The following FGD6 variants were observed in gnomAD, a reference collection of about 807,000 sequenced individuals.
FGD6 encodes FYVE, RhoGEF and PH domain-containing protein 6.
FGD6 carries 90 observed loss-of-function variants against 149.4 expected under a neutral mutation model. The observed-to-expected ratio is 0.60, with a 90% confidence interval of 0.51 to 0.72. The LOEUF (loss-of-function observed/expected upper bound fraction) is 0.72, where lower values mean the gene tolerates loss of function less well. Among genes scored for constraint, FGD6 ranks in the 30% least tolerant of loss-of-function variants. The pLI, the probability that FGD6 is intolerant of heterozygous loss-of-function variation, is 0.00. For missense variants in FGD6, 1,437 were observed against 1,684.8 expected, an observed-to-expected ratio of 0.85 and a Z score of 2.57; for synonymous variants, 527 against 584.0, an observed-to-expected ratio of 0.90 and a Z score of 1.41.
chr12:95,085,071 A>G (rs1483855222), intron 19 of FGD6, among the ~76,000 whole-genome samples: 1 of 152,232 alleles, frequency 6.6e-6, no homozygotes, highest in African/African-American at 2.4e-5. Flanking sequence ...AGAAAAGGAC[A>G]GAATTAGAGT....
At chr12:95,133,030 G>A (rs146052296) in intron 8 of FGD6, among the ~76,000 whole-genome samples, 2 of 152,334 alleles carry the variant, frequency 1.3e-5, no homozygotes, top group South Asian at 2.1e-4. Flanking sequence ...AAAAGCAGAA[G>A]TAAGAAAGTA....
At chr12:95,123,978 A>G (rs544945057) in intron 8 of FGD6, among the ~76,000 whole-genome samples, 35 of 151,222 alleles carry the variant, frequency 2.3e-4, no homozygotes, top group African/African-American at 7.5e-4. Context: ...GCTATAGCTC[A>G]CTGCAGCCTC....
Position 95,210,956 on chromosome 12 carries a change from A to T in FGD6, c.328T>A (p.Cys110Ser). 6.2e-7 allele frequency: 1 copy of T among 1,614,260 alleles called. No individual in the cohort carries two copies. Among genetic ancestry groups the T allele is most frequent in the Non-Finnish European group, 8.5e-7 (1 of 1,180,054 alleles). Residue 110 changes from cysteine (C) to serine (S), a missense_variant, in exon 2 of 21, where the codon TGT becomes AGT. Physicochemically the swap from Cys to Ser is moderately radical, Grantham distance 112 (BLOSUM62 -1). Coordinates refer to ENST00000343958, the MANE Select transcript of FGD6 (RefSeq NM_018351.4). The stretch of plus-strand genomic sequence containing the variant: ...TGGATACACTCAGAACTGCAGGAAC[A>T]CATTGGTGAAATATAATCATTGCTC... Reference protein sequence around the residue: ...NQSNDYISPMCSCSSECIHKL... With the variant: ...NQSNDYISPMSSCSSECIHKL...
intron 15 of FGD6, among the ~76,000 whole-genome samples, chr12:95,093,241 A>T (rs1878125930): frequency 6.6e-6 from 1 of 151,800 alleles, no homozygotes; most frequent in African/African-American, 2.4e-5. Flanking sequence ...CAAACAAAAA[A>T]GATGGGGATA....
At chr12:95,099,029 C>T (rs1476612696) in intron 14 of FGD6, among the ~76,000 whole-genome samples, 1 of 152,026 alleles carries the variant, frequency 6.6e-6, no homozygotes, top group African/African-American at 2.4e-5. Context: ...GCCACTATGC[C>T]CAGCTAATTT....
rs376144618 is a variant in FGD6, at chr12:95,108,004, C to G, written c.3264+344G>C. On this transcript the variant is annotated intron_variant, in intron 11 of 20. Coordinates refer to ENST00000343958, the MANE Select transcript of FGD6 (RefSeq NM_018351.4). Reference sequence around the variant, plus strand: ...GAGGATCAAAATACCAATCTCCCCCCTCCCTTCATAATCCTCTCTTACATT... The same window carrying G: ...GAGGATCAAAATACCAATCTCCCCCGTCCCTTCATAATCCTCTCTTACATT... Among the ~76,000 whole-genome samples the G allele has an allele frequency of 1.4e-4, 22 of 152,310 alleles. No individual in the cohort carries two copies. In the South Asian group the frequency reaches 4.3e-3, roughly 30 times the overall value.
At position 95,110,262 on chromosome 12, in the gene FGD6, C is replaced by T. The variant is rs150197802; in HGVS notation, c.3134-1701G>A. Among the ~76,000 whole-genome samples the T allele has an allele frequency of 5.8e-3, 886 of 152,072 alleles. 8 individuals are homozygous for T. The highest frequency in any genetic ancestry group is 1.0e-2 in the Non-Finnish European group (678 of 67,988). On this transcript the variant is annotated intron_variant, in intron 9 of 20. Coordinates refer to ENST00000343958, the MANE Select transcript of FGD6 (RefSeq NM_018351.4). ...AAGTGCTGGGATTACAGGTGTGAGC[C>T]ACCACACCCGGCCTGTATTCTTTCC... is the stretch of plus-strand genomic sequence containing the variant.
chr12:95,104,634 ATCATG>A (rs1349694449), intron 14 of FGD6, among the ~76,000 whole-genome samples: 1 of 151,988 alleles, frequency 6.6e-6, no homozygotes, highest in Non-Finnish European at 1.5e-5. Flanking sequence ...ATGGGGTTTA[ATCATG>A]TTCATGTTAG....
chr12:95,123,309 C>G (rs376240007), intron 8 of FGD6, among the ~76,000 whole-genome samples: 1 of 152,026 alleles, frequency 6.6e-6, no homozygotes, highest in Non-Finnish European at 1.5e-5. Flanking sequence ...GGTTGGAGAA[C>G]TGCTTGCAGG....
At chr12:95,115,517 G>A (rs1344848599) in intron 8 of FGD6, among the ~76,000 whole-genome samples, 1 of 151,738 alleles carries the variant, frequency 6.6e-6, no homozygotes, top group Non-Finnish European at 1.5e-5. Context: ...ATTACAGGCA[G>A]TGAGCCACTG....
intron 3 of FGD6, among the ~76,000 whole-genome samples, chr12:95,164,147 AC>A (rs1300829217): frequency 7.2e-5 from 11 of 152,232 alleles, no homozygotes; most frequent in Non-Finnish European, 4.4e-5. Context: ...AATAAGTCAA[AC>A]AAATTCCAAA....
At chr12:95,188,839 G>A (rs1316872366) in intron 2 of FGD6, among the ~76,000 whole-genome samples, 2 of 150,710 alleles carry the variant, frequency 1.3e-5, no homozygotes, top group Non-Finnish European at 2.9e-5. Flanking sequence ...AAAGGTCAAA[G>A]GTAAAGCAGG....
chr12:95,180,667 G>C (rs993740438), intron 2 of FGD6, among the ~76,000 whole-genome samples: 4 of 152,008 alleles, frequency 2.6e-5, no homozygotes, highest in African/African-American at 9.7e-5. Flanking sequence ...CAAAGTGCTA[G>C]GTGTGAGCCA....
intron 5 of FGD6, among the ~76,000 whole-genome samples, chr12:95,142,089 T>C (rs1051633358): frequency 6.6e-6 from 1 of 151,236 alleles, no homozygotes; most frequent in Non-Finnish European, 1.5e-5. Context: ...CATGGCAACT[T>C]CCCGAGTAGC....
intron 1 of FGD6, among the ~76,000 whole-genome samples, chr12:95,212,609 C>T (rs1334600345): frequency 2.0e-5 from 3 of 152,086 alleles, no homozygotes; most frequent in East Asian, 1.9e-4. Flanking sequence ...TATATTTGTT[C>T]GTTTGACAGG....
At chr12:95,087,053 G>A (rs915004489) in intron 18 of FGD6, among the ~76,000 whole-genome samples, 2 of 150,176 alleles carry the variant, frequency 1.3e-5, no homozygotes, top group African/African-American at 4.9e-5. Context: ...TCGCCATGTT[G>A]GCCAGGTTGG....
intron 11 of FGD6, 119 bp downstream of exon 11, chr12:95,108,229 T>C (rs1008989807): frequency 1.2e-6 from 1 of 858,628 alleles, no homozygotes; most frequent in African/African-American, 1.7e-5. Context: ...GATAAAGTGA[T>C]CAAAATTGAA....
Position 95,210,178 on chromosome 12 carries a change from A to G in FGD6, c.1106T>C (p.Leu369Ser). ...NKISVLHQNV[L>S]CKQEQVDKMK... ...TTTATCCACCTGTTCCTGCTTACAC[A>G]AAACATTCTGATGCAGAACACTGAT... The change falls in exon 2 of 21, where the codon TTG (leucine) becomes TCG (serine). Residue 369 changes from leucine to serine, a missense_variant. Transcript: ENST00000343958. 1.9e-6 allele frequency: 3 copies of G among 1,613,994 alleles called. No individual in the cohort carries two copies. The highest frequency in any genetic ancestry group is 1.1e-5 in the South Asian group (1 of 91,050).
chr12:95,132,624 C>T (rs1404151919), intron 8 of FGD6, among the ~76,000 whole-genome samples: 4 of 151,876 alleles, frequency 2.6e-5, no homozygotes, highest in African/African-American at 9.7e-5. Flanking sequence ...TGGTGGCATA[C>T]GCCTGTAGTC....
Sources: allele counts gnomAD v4.1 joint callset (sites outside exome capture counted in the v4.1 genomes callset), GRCh38; gene constraint gnomAD v4.1.1; transcripts MANE v1.5; gene names NCBI Gene and HGNC (gene_info 2026-07-23, HGNC 2026-07-21).